Variants in OR52N2 observed in about 807,000 individuals in gnomAD.
OR52N2 encodes olfactory receptor family 52 subfamily N member 2.
For synonymous variants in OR52N2, 129 were observed against 72.0 expected (o/e 1.79, Z -4.01); for missense variants, 326 against 196.6 (o/e 1.66, Z -3.94).
rs1385059335 is a variant in OR52N2 at position 5,821,038 on chromosome 11, G to A, written c.703G>A (p.Ala235Thr). 2 of 780,908 alleles carry A rather than the reference G, an allele frequency of 2.6e-6. No homozygotes were observed. The highest frequency in any genetic ancestry group is 1.7e-5 in the Admixed American group (1 of 59,016). The allele number at this position is 780,908 out of a possible 1,614,324, so 48.4% of individuals were successfully genotyped here. Residue 235 changes from alanine to threonine, a missense_variant, in exon 2 of 2, where the codon GCT becomes ACT. Coordinates refer to ENST00000317037, the MANE Select transcript of OR52N2 (RefSeq NM_001005174.3). The part of the protein sequence containing the change: ...QAVMSLSSAD[A>T]RHKAFSTCTS... Reference sequence around the variant, plus strand: ...TGTTATGAGCCTGTCATCAGCAGATGCTCGTCACAAAGCCTTCAGCACCTG... The same window carrying A: ...TGTTATGAGCCTGTCATCAGCAGATACTCGTCACAAAGCCTTCAGCACCTG...
At position 5,813,237 on chromosome 11, in the gene OR52N2, T is replaced by C. The variant is rs143082491; in HGVS notation, c.-55+4183T>C. ...TCAGAAATAAATGAAATAGAAATTA[T>C]AAAAAAAAAGTAAAAAGATTCAAAT... On this transcript the variant is annotated intron_variant, in intron 1 of 1. Transcript: ENST00000317037. 4.0e-5 allele frequency among the ~76,000 whole-genome samples: 6 copies of C among 149,292 alleles called. No homozygotes were observed. In the South Asian group the frequency reaches 1.3e-3, roughly 31 times the overall value.
In OR52N2 at chr11:5,821,126, A is replaced by T. The variant is rs8181512; in HGVS notation, c.791A>T (p.His264Leu). 2.6e-6 allele frequency: 2 copies of T among 780,614 alleles called. No individual in the cohort carries two copies. The highest frequency in any genetic ancestry group is 4.8e-6 in the Non-Finnish European group (2 of 418,062). 48.4% of individuals were successfully genotyped at this position (780,614 alleles called of 1,614,324 possible). The change falls in exon 2 of 2, where the codon CAT becomes CTT. Residue 264 changes from histidine (H) to leucine (L), a missense_variant. By Grantham distance (99) the His-to-Leu change is moderately conservative. Transcript: ENST00000317037. ...YVAAFFTFFTHRFVGHNIPNH... is the reference protein window; with the variant it reads ...YVAAFFTFFTLRFVGHNIPNH... ...GCTGCTTTTTTCACTTTTTTCACTC[A>T]TCGTTTTGTAGGACACAATATCCCA...
intron 1 of OR52N2, among the ~76,000 whole-genome samples, chr11:5,817,301 A>G (rs1205752280): frequency 6.6e-6 from 1 of 152,150 alleles, no homozygotes; most frequent in Non-Finnish European, 1.5e-5. Context: ...TTTAGTAAAA[A>G]GGAAGAAAGG....
In OR52N2 at chr11:5,820,732, C is replaced by T. The variant is rs370836937; in HGVS notation, c.397C>T (p.Arg133Cys). 101 of 783,030 alleles carry T rather than the reference C, an allele frequency of 1.3e-4. No individual in the cohort carries two copies. The highest frequency in any genetic ancestry group is 2.2e-4 in the Non-Finnish European group (92 of 423,124). 48.5% of individuals were successfully genotyped at this position (783,030 alleles called of 1,614,324 possible). ...DRYVAICYPLRYATILTNPVI... is the reference protein window; with the variant it reads ...DRYVAICYPLCYATILTNPVI... The stretch of plus-strand genomic sequence containing the variant: ...CTATGTGGCCATCTGCTACCCCTTA[C>T]GCTATGCCACCATCCTTACCAACCC... The change falls in exon 2 of 2, where the codon CGC becomes TGC. Residue 133 changes from arginine to cysteine, a missense_variant. Transcript: ENST00000317037.
In OR52N2 at chr11:5,821,393, A is replaced by G; in HGVS notation, c.*92A>G. ...TGAATAAAATGGTATTAAAATCATG[A>G]CATGTAATTTACCCATGTAACAAAC... On this transcript the variant is annotated 3_prime_UTR_variant, in exon 2 of 2. Coordinates refer to ENST00000317037, the MANE Select transcript of OR52N2 (RefSeq NM_001005174.3). 1 of 653,288 alleles carries G rather than the reference A, an allele frequency of 1.5e-6. No individual in the cohort carries two copies. The highest frequency in any genetic ancestry group is 2.5e-5 in the East Asian group (1 of 39,724). The allele number at this position is 653,288 out of a possible 1,614,324, so 40.5% of individuals were successfully genotyped here.
At chr11:5,809,117 GTT>G (rs1846332062) in intron 1 of OR52N2, among the ~76,000 whole-genome samples, 63 bp downstream of exon 1, 1 of 152,162 alleles carries the variant, frequency 6.6e-6, no homozygotes, top group Non-Finnish European at 1.5e-5. Context: ...CCCCAGAGTT[GTT>G]GGGTGTAAAA....
At chr11:5,811,823 G>C (rs1479848151) in intron 1 of OR52N2, among the ~76,000 whole-genome samples, 2 of 152,146 alleles carry the variant, frequency 1.3e-5, no homozygotes, top group East Asian at 3.8e-4. Context: ...GCCTGTGAGG[G>C]CATCACTTCA....
chr11:5,812,916 A>G (rs1846375313), intron 1 of OR52N2, among the ~76,000 whole-genome samples: 2 of 152,050 alleles, frequency 1.3e-5, no homozygotes, highest in Admixed American at 1.3e-4. Context: ...CAATAATAAG[A>G]GGAAGTTTGA....
At chr11:5,809,133 C>A (rs1444387671) in intron 1 of OR52N2, among the ~76,000 whole-genome samples, 79 bp downstream of exon 1, 1 of 152,138 alleles carries the variant, frequency 6.6e-6, no homozygotes, top group African/African-American at 2.4e-5. Flanking sequence ...TGTAAAAATG[C>A]TCTAGGAATA....
intron 1 of OR52N2, among the ~76,000 whole-genome samples, chr11:5,816,493 A>C (rs1449831116): frequency 6.6e-6 from 1 of 151,864 alleles, no homozygotes; most frequent in Non-Finnish European, 1.5e-5. Flanking sequence ...AGTTGAGTGT[A>C]AACAGTGCGG....
At chr11:5,814,141 C>T (rs774760389) in intron 1 of OR52N2, among the ~76,000 whole-genome samples, 44 of 152,194 alleles carry the variant, frequency 2.9e-4, no homozygotes, top group Non-Finnish European at 3.8e-4. Context: ...CAACATAGTA[C>T]TGAAAGTCCT....
intron 1 of OR52N2, among the ~76,000 whole-genome samples, chr11:5,817,277 G>A (rs570395804): frequency 4.6e-5 from 7 of 152,130 alleles, no homozygotes; most frequent in African/African-American, 1.4e-4. Flanking sequence ...GAAAAATTGT[G>A]TTTTGTGGGG....
At chr11:5,816,136 C>G (rs970681530) in intron 1 of OR52N2, among the ~76,000 whole-genome samples, 7 of 152,122 alleles carry the variant, frequency 4.6e-5, no homozygotes, top group Admixed American at 4.6e-4. Flanking sequence ...AATCATTAGA[C>G]AGCAGAAAGA....
chr11:5,817,414 A>T (rs1396393796), intron 1 of OR52N2, among the ~76,000 whole-genome samples: 1 of 152,224 alleles, frequency 6.6e-6, no homozygotes, highest in Non-Finnish European at 1.5e-5. Context: ...GATAATTTTC[A>T]TTTTGAAAGT....
intron 1 of OR52N2, among the ~76,000 whole-genome samples, chr11:5,810,739 C>T (rs1846353829): frequency 6.6e-6 from 1 of 152,066 alleles, no homozygotes; most frequent in African/African-American, 2.4e-5. Flanking sequence ...GGGCTCAAAT[C>T]AGGGGCCAGT....
chr11:5,815,880 G>A (rs373946265), intron 1 of OR52N2, among the ~76,000 whole-genome samples: 1 of 85,172 alleles, frequency 1.2e-5, no homozygotes, highest in African/African-American at 4.7e-5. Context: ...TAGTATGTAT[G>A]TGTATGTGTG....
Position 5,820,710 on chromosome 11 carries a change from T to C in OR52N2, c.375T>C (p.Tyr125=), listed in dbSNP as rs780524131. The change falls in exon 2 of 2, where the codon TAT becomes TAC. Residue 125 remains tyrosine, a synonymous_variant. Coordinates refer to ENST00000317037, the MANE Select transcript of OR52N2 (RefSeq NM_001005174.3). ...GVLMLMALDR[Y]VAICYPLRYA... ...TCATGCTCATGGCCCTGGACCGCTA[T>C]GTGGCCATCTGCTACCCCTTACGCT... The C allele has an allele frequency of 2.5e-6, 2 of 791,678 alleles. No homozygotes were observed. The highest frequency in any genetic ancestry group is 2.7e-5 in the South Asian group (2 of 74,388). 49.0% of individuals were successfully genotyped at this position (791,678 alleles called of 1,614,324 possible). A position where few individuals can be genotyped will look rare whatever the true frequency, so the allele number is the denominator to read the frequency against.
chr11:5,809,373 T>G (rs935323983), intron 1 of OR52N2, among the ~76,000 whole-genome samples: 2 of 152,066 alleles, frequency 1.3e-5, no homozygotes, highest in Non-Finnish European at 2.9e-5. Context: ...GCTGACCAGA[T>G]TGGCTACTTG....
intron 1 of OR52N2, among the ~76,000 whole-genome samples, chr11:5,814,416 A>G (rs1194951347): frequency 6.6e-6 from 1 of 152,012 alleles, no homozygotes. Context: ...AATAAAATAC[A>G]TAAGAAAATA....
Sources: allele counts gnomAD v4.1 joint callset (sites outside exome capture counted in the v4.1 genomes callset), GRCh38; gene constraint gnomAD v4.1.1; transcripts MANE v1.5; gene names NCBI Gene and HGNC (gene_info 2026-07-23, HGNC 2026-07-21).